The following UTP20 variants were observed in gnomAD, a reference collection of about 807,000 sequenced individuals.
UTP20 encodes UTP20 small subunit processome component.
In UTP20, 164 loss-of-function variants were observed where a neutral mutation model predicts 329.5. That is an observed-to-expected ratio of 0.50 (90% CI 0.44 to 0.57). The LOEUF is 0.57. UTP20 is among the 20% of genes least tolerant of loss of function. The pLI is 0.00. For synonymous variants in UTP20, 1,151 were observed against 1,159.3 expected (o/e 0.99, Z 0.14); for missense variants, 3,055 against 3,284.2 (o/e 0.93, Z 1.71).
At chr12:101,300,504 A>G (rs74960071) in intron 14 of UTP20, among the ~76,000 whole-genome samples, 2,545 of 152,180 alleles carry the variant, frequency 0.017, 37 homozygotes, top group Middle Eastern at 0.031. Flanking sequence ...GGTCTTTGTC[A>G]TTCAGTGAAC....
In UTP20 at chr12:101,335,393, C is replaced by T. The variant is rs190833592; in HGVS notation, c.3641+889C>T. ...ATGTCAGCAGTTTGATTTGGCCTGG[C>T]AAAGGGAGAAACAGAATGTGAAACA... On this transcript the variant is annotated intron_variant, in intron 29 of 61. Coordinates refer to ENST00000261637, the MANE Select transcript of UTP20 (RefSeq NM_014503.3). Among the ~76,000 whole-genome samples the T allele has an allele frequency of 1.4e-4, 22 of 152,236 alleles. No individual in the cohort carries two copies. The East Asian group carries it at 3.9e-3, about 27-fold the overall frequency.
chr12:101,306,912 G>A (rs1043733702), intron 17 of UTP20, 151 bp downstream of exon 17: 77 of 688,850 alleles, frequency 1.1e-4, no homozygotes, highest in Admixed American at 4.7e-4. Flanking sequence ...GGTGGCTCAC[G>A]CCTGTAATCC....
intron 42 of UTP20, 62 bp from the exon 43 acceptor site, chr12:101,356,864 A>G (rs1869739477): frequency 1.3e-6 from 2 of 1,534,664 alleles, no homozygotes; most frequent in Non-Finnish European, 1.8e-6. Context: ...ACTAAAGGAT[A>G]TGTGTATGTT....
rs753059734 is a variant in UTP20 at position 101,283,610 on chromosome 12, C to A, written c.127-1960C>A. Among the ~76,000 whole-genome samples the A allele has an allele frequency of 3.3e-5, 5 of 152,266 alleles. No individual in the cohort carries two copies. The East Asian group carries it at 9.6e-4, about 29-fold the overall frequency. On this transcript the variant is annotated intron_variant, in intron 2 of 61. Coordinates refer to ENST00000261637, the MANE Select transcript of UTP20 (RefSeq NM_014503.3). ...CCAGGTCTGTGCTAGGCTAGAAATG[C>A]GTTCTGCATTTAAGTTTTAAACTGT...
At chr12:101,310,071 A>C (rs116849336) in intron 19 of UTP20, among the ~76,000 whole-genome samples, 147 of 152,312 alleles carry the variant, frequency 9.7e-4, no homozygotes, top group Middle Eastern at 3.4e-3. Flanking sequence ...GTGTGTTGAA[A>C]TAACTTTGAA....
chr12:101,369,785 C>T lies in UTP20; in HGVS notation c.6449C>T (p.Thr2150Ile), dbSNP rs1213679753. The change falls in exon 49 of 62, where the codon ACA (threonine) becomes ATA (isoleucine). Residue 2150 changes from threonine (T) to isoleucine (I), a missense_variant. Physicochemically the swap from Thr to Ile is moderately conservative, Grantham distance 89 (BLOSUM62 -1). Around this residue, in one of 3 missense-constraint regions of UTP20, gnomAD observed 2,445 missense variants for 2,575.5 expected, o/e 0.95. Transcript: ENST00000261637. ...AGGTTCCCGCTACCTTCCATAGAAA[C>T]AAAAGCAGAGCAGCTGACAAAACAC... ...VLRFPLPSIE[T>I]KAEQLTKHLF... The T allele has an allele frequency of 6.2e-7, 1 of 1,611,482 alleles. No homozygotes were observed. The highest frequency in any genetic ancestry group is 2.2e-5 in the East Asian group (1 of 44,882).
intron 6 of UTP20, 146 bp from the exon 7 acceptor site, chr12:101,289,991 T>C: frequency 1.6e-6 from 1 of 608,708 alleles, no homozygotes; most frequent in Non-Finnish European, 2.6e-6. Context: ...TTAGAGTAGT[T>C]TGAAATCATT....
chr12:101,291,041 C>T (rs1872129028), intron 8 of UTP20, 153 bp downstream of exon 8: 1 of 683,594 alleles, frequency 1.5e-6, no homozygotes, highest in East Asian at 3.3e-5. Flanking sequence ...TTCCCTCTGC[C>T]CCCCTGTGCT....
chr12:101,377,826 T>C (rs1345932497), intron 56 of UTP20, among the ~76,000 whole-genome samples: 1 of 152,220 alleles, frequency 6.6e-6, no homozygotes, highest in Non-Finnish European at 1.5e-5. Context: ...TCTTCCATTA[T>C]ATGTTTAAGT....
At chr12:101,290,013 T>C in intron 6 of UTP20, 124 bp from the exon 7 acceptor site, 1 of 744,800 alleles carries the variant, frequency 1.3e-6, no homozygotes, top group Non-Finnish European at 2.0e-6. Flanking sequence ...CAAATGTCTG[T>C]TCTTTTCACA....
intron 60 of UTP20, among the ~76,000 whole-genome samples, chr12:101,384,640 C>G (rs1870766781): frequency 1.3e-5 from 2 of 152,282 alleles, no homozygotes; most frequent in South Asian, 2.1e-4. Flanking sequence ...TTGCCTGATA[C>G]ATTTCCCTCA....
intron 4 of UTP20, among the ~76,000 whole-genome samples, chr12:101,286,107 G>A (rs1871952994): frequency 6.6e-6 from 1 of 152,160 alleles, no homozygotes; most frequent in Admixed American, 6.5e-5. Context: ...GACACTATAG[G>A]AACAGTTGGC....
chr12:101,338,013 T>C, intron 29 of UTP20, 38 bp from the exon 30 acceptor site: 4 of 1,584,492 alleles, frequency 2.5e-6, no homozygotes, highest in Non-Finnish European at 3.5e-6. Flanking sequence ...GTGAACATAT[T>C]GAGAATAAGA....
chr12:101,314,410 G>A (rs1171219566), intron 21 of UTP20, among the ~76,000 whole-genome samples: 1 of 152,194 alleles, frequency 6.6e-6, no homozygotes, highest in Non-Finnish European at 1.5e-5. Context: ...TGTAATCCCA[G>A]CACTTTGGGA....
chr12:101,385,381 A>G (rs549667205), intron 60 of UTP20, among the ~76,000 whole-genome samples: 2 of 152,184 alleles, frequency 1.3e-5, no homozygotes, highest in Non-Finnish European at 2.9e-5. Flanking sequence ...TCCCAGGAAC[A>G]TAGAGGCTAG....
At chr12:101,296,333 A>T (rs2137239219) in intron 12 of UTP20, among the ~76,000 whole-genome samples, 1 of 152,264 alleles carries the variant, frequency 6.6e-6, no homozygotes, top group East Asian at 1.9e-4. Flanking sequence ...GCACTTTGGG[A>T]GGCCGAGGAG....
At position 101,292,107 on chromosome 12, in the gene UTP20, AAT is replaced by A. The variant is rs1292183906; in HGVS notation, c.1173+4_1173+5del. On this transcript the variant is annotated splice_donor_5th_base_variant and intron_variant, in intron 10 of 61. Transcript: ENST00000261637. ...TCATCAAAGAAACCATAGAAAAAGTAATTTACTTCAACAAATATTAATTGAGC... is the reference window on the plus strand; with the variant it reads ...TCATCAAAGAAACCATAGAAAAAGTATTACTTCAACAAATATTAATTGAGC... 1.7e-5 allele frequency: 27 copies of A among 1,611,552 alleles called. No homozygotes were observed. Among genetic ancestry groups the A allele is most frequent in the Non-Finnish European group, 2.2e-5 (26 of 1,179,280 alleles).
At chr12:101,330,460 G>T (rs147347505) in intron 27 of UTP20, among the ~76,000 whole-genome samples, 1 of 152,292 alleles carries the variant, frequency 6.6e-6, no homozygotes, top group East Asian at 1.9e-4. Flanking sequence ...AATGGAAACT[G>T]CTGAGAAGCT....
intron 2 of UTP20, among the ~76,000 whole-genome samples, chr12:101,284,506 G>T (rs540494325): frequency 6.1e-4 from 93 of 152,158 alleles, no homozygotes; most frequent in African/African-American, 2.2e-3. Context: ...GGACACCTGG[G>T]ACAATTCAAT....
Sources: gnomAD v4.1 joint callset for allele counts (sites outside exome capture counted in the v4.1 genomes callset) on GRCh38, gnomAD v4.1.1 for gene constraint, gnomAD v4.1.1 regional missense constraint, MANE v1.5 for transcripts, NCBI Gene and HGNC (gene_info 2026-07-23, HGNC 2026-07-21) for gene names.